Variants in MPDZ observed in about 807,000 individuals in gnomAD.
The protein encoded by MPDZ is multiple PDZ domain crumbs cell polarity complex component, also known as multiple PDZ domain protein.
In MPDZ, 234 loss-of-function variants were observed where a neutral mutation model predicts 239.1. The ratio of observed to expected loss-of-function variants is 0.98; its 90% CI spans 0.88 to 1.09. MPDZ has a LOEUF of 1.09. MPDZ is among the 50% of genes least tolerant of loss of function. MPDZ has a pLI of 0.00. For synonymous variants in MPDZ, 1,048 were observed against 881.3 expected (o/e 1.19, Z -3.35); for missense variants, 3,175 against 2,510.0 (o/e 1.26, Z -5.66).
chr9:13,259,250 G>C (rs1970117988), intron 1 of MPDZ, among the ~76,000 whole-genome samples: 1 of 147,972 alleles, frequency 6.8e-6, no homozygotes, highest in Admixed American at 6.8e-5. Context: ...CTGGGTTCAA[G>C]CGATTCTCCT....
At chr9:13,118,313 A>G (rs949477539) in intron 39 of MPDZ, among the ~76,000 whole-genome samples, 1 of 152,252 alleles carries the variant, frequency 6.6e-6, no homozygotes, top group African/African-American at 2.4e-5. Context: ...ATTATGTTTT[A>G]AAGATTGAGA....
intron 9 of MPDZ, 25 bp from the exon 10 acceptor site, chr9:13,216,887 T>C (rs1958417005): frequency 6.4e-6 from 10 of 1,556,764 alleles, no homozygotes; most frequent in Non-Finnish European, 7.9e-6. Flanking sequence ...AGTTTATTTT[T>C]CACAATTTTC....
intron 2 of MPDZ, among the ~76,000 whole-genome samples, chr9:13,249,857 A>AT (rs1967451926): frequency 6.6e-6 from 1 of 152,222 alleles, no homozygotes; most frequent in Non-Finnish European, 1.5e-5. Flanking sequence ...GCCTTAAAGC[A>AT]TAAGACTAAG....
Position 13,110,027 on chromosome 9 carries a change from T to C in MPDZ, c.5867A>G (p.His1956Arg), listed in dbSNP as rs1942171721. Residue 1956 changes from histidine (H) to arginine (R), a missense_variant, in exon 45 of 47, where the codon CAT becomes CGT. Coordinates refer to ENST00000319217, the MANE Select transcript of MPDZ (RefSeq NM_001378778.1). ...ACTGGAACTTGCAGGCTCCTGCTGA[T>C]GACCTGTGACCACACTCACGTCTCC... ...AGGDVSVVTG[H>R]QQEPASSSLS... 9 of 1,613,388 alleles carry C rather than the reference T, an allele frequency of 5.6e-6. No homozygotes were observed. In the East Asian group the frequency reaches 1.8e-4, roughly 32 times the overall value.
chr9:13,148,071 G>A (rs1413015754), intron 25 of MPDZ, among the ~76,000 whole-genome samples: 2 of 151,982 alleles, frequency 1.3e-5, no homozygotes, highest in African/African-American at 4.8e-5. Flanking sequence ...GAAGTAAGGG[G>A]TGATGCCTTG....
At chr9:13,201,255 C>T (rs1564016833) in intron 12 of MPDZ, among the ~76,000 whole-genome samples, 1 of 151,936 alleles carries the variant, frequency 6.6e-6, no homozygotes, top group African/African-American at 2.4e-5. Flanking sequence ...TTTTTGTTCC[C>T]ATTTGCATGA....
chr9:13,216,019 A>G (rs1219809926), intron 10 of MPDZ, among the ~76,000 whole-genome samples: 1 of 145,950 alleles, frequency 6.9e-6, no homozygotes. Flanking sequence ...CCACCAGCTC[A>G]GTGAAGACAC....
intron 36 of MPDZ, 28 bp from the exon 37 acceptor site, chr9:13,122,198 A>G: frequency 1.3e-6 from 2 of 1,599,300 alleles, no homozygotes; most frequent in Non-Finnish European, 1.7e-6. Context: ...ACATACCCAT[A>G]CTTATCCCAT....
chr9:13,149,068 C>T (rs1479623593), intron 25 of MPDZ, among the ~76,000 whole-genome samples: 4 of 151,206 alleles, frequency 2.6e-5, no homozygotes, highest in African/African-American at 9.7e-5. Flanking sequence ...AGTGACAATC[C>T]AAAATTTGAA....
At chr9:13,155,477 C>A (rs941877874) in intron 24 of MPDZ, among the ~76,000 whole-genome samples, 29 of 152,080 alleles carry the variant, frequency 1.9e-4, no homozygotes, top group African/African-American at 7.0e-4. Flanking sequence ...AAATGCAACA[C>A]AACAACTAAA....
intron 19 of MPDZ, among the ~76,000 whole-genome samples, chr9:13,178,837 C>G (rs1330071141): frequency 4.6e-5 from 7 of 152,108 alleles, no homozygotes; most frequent in Non-Finnish European, 1.0e-4. Context: ...ATTTCTGCAA[C>G]CAAATTTGTC....
At chr9:13,228,263 G>A (rs1961255275) in intron 3 of MPDZ, among the ~76,000 whole-genome samples, 2 of 152,112 alleles carry the variant, frequency 1.3e-5, no homozygotes, top group Non-Finnish European at 2.9e-5. Flanking sequence ...GGGCTTTTAT[G>A]TATTTAGCAA....
chr9:13,113,629 T>C (rs1341336670), intron 41 of MPDZ, among the ~76,000 whole-genome samples: 2 of 152,312 alleles, frequency 1.3e-5, no homozygotes, highest in East Asian at 1.9e-4. Flanking sequence ...TCTGATTTAC[T>C]GGTGTTACAT....
Position 13,279,637 on chromosome 9 carries a change from C to CGCGCCGCACTT in MPDZ, c.-306_-296dup, listed in dbSNP as rs1975240285. On this transcript the variant is annotated 5_prime_UTR_variant, in exon 1 of 47. Transcript: ENST00000319217. ...CTCCGCCGCGCCCCCTCCCCCAGCG[C>CGCGCCGCACTT]GCGCCGCACTTGCGCCGACCGGGGC... The CGCGCCGCACTT allele has an allele frequency of 6.7e-6, 1 of 150,058 alleles. No individual in the cohort carries two copies. Among genetic ancestry groups the CGCGCCGCACTT allele is most frequent in the Non-Finnish European group, 1.5e-5 (1 of 67,444 alleles). The allele number at this position is 150,058 out of a possible 1,614,324, so 9.3% of individuals were successfully genotyped here.
intron 27 of MPDZ, 84 bp downstream of exon 27, chr9:13,143,382 G>T: frequency 1.9e-6 from 2 of 1,042,100 alleles, no homozygotes; most frequent in Non-Finnish European, 1.5e-6. Flanking sequence ...AGCAAATAGT[G>T]AACTGGGACA....
chr9:13,243,143 C>T (rs1313379956), intron 3 of MPDZ, among the ~76,000 whole-genome samples: 1 of 152,156 alleles, frequency 6.6e-6, no homozygotes, highest in Non-Finnish European at 1.5e-5. Context: ...CTTTACTATT[C>T]ACCTTCTTTG....
chr9:13,276,480 G>T (rs180699456), intron 1 of MPDZ: 1 of 152,078 alleles, frequency 6.6e-6, no homozygotes, highest in Non-Finnish European at 1.5e-5. Context: ...GATAATGTAC[G>T]TAACAATATC....
chr9:13,120,877 T>TA (rs1312942912), intron 38 of MPDZ, among the ~76,000 whole-genome samples: 1 of 152,154 alleles, frequency 6.6e-6, no homozygotes, highest in Non-Finnish European at 1.5e-5. Context: ...AAAATAAACT[T>TA]AGAGACACTG....
chr9:13,268,046 G>A (rs895959538), intron 1 of MPDZ, among the ~76,000 whole-genome samples: 2 of 152,004 alleles, frequency 1.3e-5, no homozygotes, highest in Non-Finnish European at 2.9e-5. Context: ...TTTGGAAATG[G>A]GAAGAAGCAT....
Sources: gnomAD v4.1 joint callset for allele counts (sites outside exome capture counted in the v4.1 genomes callset) on GRCh38, gnomAD v4.1.1 for gene constraint, MANE v1.5 for transcripts, NCBI Gene and HGNC (gene_info 2026-07-23, HGNC 2026-07-21) for gene names.